The following DLEC1 variants were observed in gnomAD, a reference collection of about 807,000 sequenced individuals.
DLEC1 encodes the protein deleted in lung and esophageal cancer protein 1.
DLEC1 carries 146 observed loss-of-function variants against 198.1 expected under a neutral mutation model. The observed-to-expected ratio is 0.74, with a 90% CI of 0.64 to 0.85. DLEC1 has a LOEUF of 0.85. Ranked by LOEUF, DLEC1 falls within the 40% of genes least tolerant of loss-of-function variation. DLEC1 has a pLI of 0.00. For synonymous variants in DLEC1, 897 were observed against 866.8 expected (o/e 1.03, Z -0.61); for missense variants, 2,233 against 2,220.0 (o/e 1.01, Z -0.12).
At chr3:38,084,541 TA>T (rs1698311281) in intron 7 of DLEC1, among the ~76,000 whole-genome samples, 7 of 17,156 alleles carry the variant, frequency 4.1e-4, no homozygotes, top group East Asian at 2.6e-3. Context: ...GTGGTGGTGG[TA>T]GTAGTAGTGG....
chr3:38,114,669 T>C (rs559659607), intron 26 of DLEC1, among the ~76,000 whole-genome samples: 2 of 152,088 alleles, frequency 1.3e-5, no homozygotes, highest in East Asian at 3.9e-4. Flanking sequence ...AGGGATTTTG[T>C]GGGGCAGAAG....
chr3:38,113,725 TAAAAG>T (rs769925261), intron 25 of DLEC1, among the ~76,000 whole-genome samples: 24 of 152,144 alleles, frequency 1.6e-4, no homozygotes, highest in South Asian at 4.1e-4. Context: ...CCTATATTGT[TAAAAG>T]AAAAGATTAT....
chr3:38,062,243 A>G lies in DLEC1; in HGVS notation c.748A>G (p.Lys250Glu), dbSNP rs1696725902. The change falls in exon 4 of 37, where the codon AAG becomes GAG. Residue 250 changes from lysine (K) to glutamate (E), a missense_variant. Lys to Glu is a moderately conservative substitution (Grantham distance 56). Transcript: ENST00000308059. ...KRSVQKKELN[K>E]KLEDSCRKKL... ...TTCCGTCCAGAAGAAAGAGCTGAAC[A>G]AGAAGCTTGAAGATTCATGCAGGAA... 2 of 1,614,234 alleles carry G rather than the reference A, an allele frequency of 1.2e-6. No individual in the cohort carries two copies. The highest frequency in any genetic ancestry group is 1.7e-6 in the Non-Finnish European group (2 of 1,180,040).
rs1289814742 is a variant in DLEC1, at chr3:38,095,149, A to G, written c.2112+78A>G. On this transcript the variant is annotated intron_variant, in intron 13 of 36. Coordinates refer to ENST00000308059, the MANE Select transcript of DLEC1 (RefSeq NM_007335.4). ...CCCCCCACCTGTGTTCCTCAATCAC[A>G]CTGAAGCCACAGCTGGGCCCACCGA... is the stretch of plus-strand genomic sequence containing the variant. 1.1e-5 allele frequency: 17 copies of G among 1,548,504 alleles called. No homozygotes were observed. The African/African-American group carries it at 2.2e-4, about 20-fold the overall frequency.
Position 38,086,242 on chromosome 3 carries a change from G to C in DLEC1, c.1437G>C (p.Leu479Phe). Reference sequence around the variant, plus strand: ...GCACATGTTCTCCTGTGGCTACAGTGTCACCGGTGTTGGACTGTGGTTACT... The same window carrying C: ...GCACATGTTCTCCTGTGGCTACAGTCTCACCGGTGTTGGACTGTGGTTACT... ...QARRPPPVLT[L>F]SPVLDCGYCL... The change falls in exon 9 of 37, where the codon TTG becomes TTC. Residue 479 changes from leucine to phenylalanine, a missense_variant and splice_region_variant. Physicochemically the swap from Leu to Phe is conservative, Grantham distance 22. Coordinates refer to ENST00000308059, the MANE Select transcript of DLEC1 (RefSeq NM_007335.4). 6.2e-7 allele frequency: 1 copy of C among 1,608,350 alleles called. No homozygotes were observed. The highest frequency in any genetic ancestry group is 8.5e-7 in the Non-Finnish European group (1 of 1,177,386).
In DLEC1 at chr3:38,084,476, G is replaced by GTGGTAGTAGTA. The variant is rs1698289618; in HGVS notation, c.1261+231_1261+232insTGGTAGTAGTA. On this transcript the variant is annotated intron_variant, in intron 7 of 36. Coordinates refer to ENST00000308059, the MANE Select transcript of DLEC1 (RefSeq NM_007335.4). ...TGGTAGTAGTAATAGTAGTGGTGGT[G>GTGGTAGTAGTA]GTGGTAGTAGTGGTGGTAGTAGTAG... is the stretch of plus-strand genomic sequence containing the variant. 4.3e-5 allele frequency among the ~76,000 whole-genome samples: 5 copies of GTGGTAGTAGTA among 116,480 alleles called. 1 individual carries two copies. The highest frequency in any genetic ancestry group is 6.6e-5 in the African/African-American group (2 of 30,186). 76.4% of individuals were successfully genotyped at this position (116,480 alleles called of 152,430 possible).
At chr3:38,109,322 C>A in intron 21 of DLEC1, 110 bp from the exon 22 acceptor site, 1 of 1,490,380 alleles carries the variant, frequency 6.7e-7, no homozygotes, top group Non-Finnish European at 9.0e-7. Flanking sequence ...GGAGATGAGC[C>A]TGGCCAGAGG....
chr3:38,089,699 A>G (rs1490405251), intron 10 of DLEC1, among the ~76,000 whole-genome samples: 1 of 152,066 alleles, frequency 6.6e-6, no homozygotes, highest in Non-Finnish European at 1.5e-5. Flanking sequence ...CCCTCATCCC[A>G]TCCTCCTGGG....
chr3:38,076,650 T>C (rs939342663), intron 6 of DLEC1, among the ~76,000 whole-genome samples: 25 of 152,214 alleles, frequency 1.6e-4, no homozygotes, highest in Admixed American at 1.3e-3. Flanking sequence ...TCACTTCTTT[T>C]GTGATTCTTC....
intron 14 of DLEC1, 29 bp downstream of exon 14, chr3:38,095,975 G>A: frequency 6.2e-7 from 1 of 1,612,546 alleles, no homozygotes; most frequent in South Asian, 1.1e-5. Context: ...TGGATGAGAA[G>A]TGGGCAGCTG....
At chr3:38,064,007 C>CTT (rs71094947) in intron 6 of DLEC1, 88 bp downstream of exon 6, 5,516 of 447,102 alleles carry the variant, frequency 0.012, 2 homozygotes, top group East Asian at 0.023. Context: ...TTTTTTTTTT[C>CTT]TTTTTTTTTT....
chr3:38,043,135 C>A (rs570201221), intron 1 of DLEC1, among the ~76,000 whole-genome samples: 14 of 152,168 alleles, frequency 9.2e-5, no homozygotes, highest in Non-Finnish European at 1.9e-4. Flanking sequence ...TGGAACCATA[C>A]ACCCTGGGTT....
At chr3:38,120,650 T>A in intron 34 of DLEC1, 41 bp downstream of exon 34, 1 of 1,610,004 alleles carries the variant, frequency 6.2e-7, no homozygotes, top group East Asian at 2.2e-5. Flanking sequence ...AGGGTGGAAG[T>A]GGGCTGGGCT....
intron 2 of DLEC1, among the ~76,000 whole-genome samples, chr3:38,050,415 A>G (rs111406302): frequency 0.031 from 4,779 of 152,188 alleles, 268 homozygotes; most frequent in African/African-American, 0.11. Flanking sequence ...AAGAAAAGAG[A>G]TTGATTTGGC....
intron 21 of DLEC1, among the ~76,000 whole-genome samples, chr3:38,108,866 T>C (rs557099930): frequency 6.6e-6 from 1 of 152,366 alleles, no homozygotes; most frequent in South Asian, 2.1e-4. Context: ...CAGCAGGCAC[T>C]GTGCCAGGTA....
At chr3:38,059,520 A>G (rs920828094) in intron 2 of DLEC1, among the ~76,000 whole-genome samples, 4 of 152,216 alleles carry the variant, frequency 2.6e-5, no homozygotes, top group Non-Finnish European at 5.9e-5. Context: ...CTGTAACAGT[A>G]TTTTAGCTCA....
rs369726203 is a variant in DLEC1, at chr3:38,084,204, G to T, written c.1220G>T (p.Arg407Leu). 2 of 1,613,172 alleles carry T rather than the reference G, an allele frequency of 1.2e-6. No individual in the cohort carries two copies. Among genetic ancestry groups the T allele is most frequent in the African/African-American group, 1.3e-5 (1 of 74,850 alleles). ...QNTTTTSRYL[R>L]VLPPSTPYFA... Reference sequence around the variant, plus strand: ...ACCACCACGACCAGCCGCTACCTGCGAGTCCTCCCGCCTTCCACGCCATAC... The same window carrying T: ...ACCACCACGACCAGCCGCTACCTGCTAGTCCTCCCGCCTTCCACGCCATAC... The change falls in exon 7 of 37, where the codon CGA (arginine) becomes CTA (leucine). Residue 407 changes from arginine to leucine, a missense_variant. Transcript: ENST00000308059.
chr3:38,110,844 A>C, intron 23 of DLEC1, among the ~76,000 whole-genome samples: 1 of 152,284 alleles, frequency 6.6e-6, no homozygotes, highest in East Asian at 1.9e-4. Context: ...GCATACACAC[A>C]TACACACATG....
At chr3:38,096,512 C>T in intron 14 of DLEC1, 57 bp from the exon 15 acceptor site, 4 of 1,569,632 alleles carry the variant, frequency 2.5e-6, no homozygotes, top group South Asian at 1.2e-5. Flanking sequence ...GGCAGGGACA[C>T]TCTAGGATGT....
Sources: allele counts gnomAD v4.1 joint callset (sites outside exome capture counted in the v4.1 genomes callset), GRCh38; gene constraint gnomAD v4.1.1; transcripts MANE v1.5; gene names NCBI Gene and HGNC (gene_info 2026-07-23, HGNC 2026-07-21).